The following PRCP variants were observed in gnomAD, a reference collection of about 807,000 sequenced individuals.
PRCP encodes lysosomal Pro-X carboxypeptidase.
PRCP carries 46 observed loss-of-function variants against 54.2 expected under a neutral mutation model. That is an observed-to-expected ratio of 0.85 (90% CI 0.67 to 1.09). PRCP has a LOEUF of 1.09. Among genes scored for constraint, PRCP ranks in the 50% least tolerant of loss-of-function variants. The pLI is 0.00. For synonymous variants in PRCP, 240 were observed against 212.2 expected, an observed-to-expected ratio of 1.13 and a Z score of -1.14; for missense variants, 613 against 596.8, an observed-to-expected ratio of 1.03 and a Z score of -0.28.
intron 8 of PRCP, chr11:82,835,819 T>C (rs1039279623): frequency 5.0e-5 from 25 of 502,680 alleles, no homozygotes; most frequent in African/African-American, 4.9e-4. Context: ...AAGAACCAGA[T>C]GAACCAGAGG....
chr11:82,884,825 GA>G, intron 1 of PRCP: 2 of 1,613,102 alleles, frequency 1.2e-6, no homozygotes, highest in Non-Finnish European at 1.7e-6. Context: ...ACACCTACCA[GA>G]GGAGTCTTGT....
At chr11:82,880,920 T>C (rs1039269253) in intron 1 of PRCP, among the ~76,000 whole-genome samples, 5 of 152,104 alleles carry the variant, frequency 3.3e-5, no homozygotes, top group African/African-American at 1.2e-4. Context: ...GCCAAGTGCC[T>C]GCTCCCACAA....
In PRCP at chr11:82,839,383, G is replaced by A. The variant is rs1229345118; in HGVS notation, c.964C>T (p.Leu322=). 6.2e-7 allele frequency: 1 copy of A among 1,613,610 alleles called. No individual in the cohort carries two copies. The highest frequency in any genetic ancestry group is 1.1e-5 in the South Asian group (1 of 91,022). ...YLKNPNVSDS[L]LLQNIFQALN... ...GCTTGGAAAATATTCTGCAGCAGCA[G>A]TGAATCAGATACATTGGGATTTTTC... is the stretch of plus-strand genomic sequence containing the variant. The change falls in exon 7 of 9, where the codon CTG becomes TTG. Residue 322 remains leucine (L), a synonymous_variant. Transcript: ENST00000313010.
chr11:82,854,045 A>G (rs1163512500), intron 2 of PRCP, among the ~76,000 whole-genome samples: 3 of 152,202 alleles, frequency 2.0e-5, no homozygotes, highest in Non-Finnish European at 4.4e-5. Context: ...CATAGCCAAC[A>G]TCGTACTGAA....
At chr11:82,854,569 G>T (rs1341797027) in intron 2 of PRCP, among the ~76,000 whole-genome samples, 1 of 151,934 alleles carries the variant, frequency 6.6e-6, no homozygotes, top group Non-Finnish European at 1.5e-5. Context: ...TGTTAAAATG[G>T]CCATACTCCC....
intron 6 of PRCP, among the ~76,000 whole-genome samples, chr11:82,841,055 T>TATATATATATATATATATATATATA (rs1555013578): frequency 1.3e-5 from 2 of 149,656 alleles, no homozygotes; most frequent in Non-Finnish European, 1.5e-5. Flanking sequence ...ATATATATAA[T>TATATATATATATATATATATATATA]AGACTAGTCC....
intron 1 of PRCP, among the ~76,000 whole-genome samples, chr11:82,870,675 A>T: frequency 6.6e-6 from 1 of 152,234 alleles, no homozygotes; most frequent in African/African-American, 2.4e-5. Context: ...CATGGAAGAA[A>T]AAACTGATGC....
At chr11:82,893,126 AAG>A (rs1860041695) in intron 1 of PRCP, among the ~76,000 whole-genome samples, 2 of 152,216 alleles carry the variant, frequency 1.3e-5, no homozygotes, top group South Asian at 4.1e-4. Context: ...GAAGTGACAT[AAG>A]TAATTTCCAT....
chr11:82,892,737 G>A (rs746567857), intron 1 of PRCP, among the ~76,000 whole-genome samples: 3 of 152,124 alleles, frequency 2.0e-5, no homozygotes, highest in South Asian at 2.1e-4. Flanking sequence ...TTAAAAATTC[G>A]CCTCACTTCA....
intron 6 of PRCP, among the ~76,000 whole-genome samples, chr11:82,842,429 G>C (rs574345576): frequency 1.3e-5 from 2 of 152,090 alleles, no homozygotes; most frequent in Non-Finnish European, 2.9e-5. Context: ...TGGAGTACTG[G>C]ATCCAGCTTT....
chr11:82,842,662 A>G (rs1306959171), intron 6 of PRCP, among the ~76,000 whole-genome samples: 1 of 152,204 alleles, frequency 6.6e-6, no homozygotes, highest in African/African-American at 2.4e-5. Flanking sequence ...AAAAGAGATC[A>G]ACATGTTTAA....
upstream of PRCP, chr11:82,900,515 C>T (rs1415879808): frequency 2.8e-6 from 4 of 1,412,032 alleles, no homozygotes; most frequent in African/African-American, 1.4e-5. Flanking sequence ...ACAGCTCCTC[C>T]CAGGGGAAAC....
intron 1 of PRCP, among the ~76,000 whole-genome samples, chr11:82,869,245 A>G (rs1489828127): frequency 6.6e-6 from 1 of 151,384 alleles, no homozygotes; most frequent in African/African-American, 2.4e-5. Flanking sequence ...AGTCCTAGCT[A>G]CTCAGGACGC....
chr11:82,841,069 CA>C (rs994286120), intron 6 of PRCP, among the ~76,000 whole-genome samples: 1 of 73,496 alleles, frequency 1.4e-5, no homozygotes, highest in African/African-American at 7.0e-5. Context: ...CTAGTCCTGA[CA>C]AAAAAAAGAC....
chr11:82,824,642 T>C lies in PRCP; in HGVS notation c.*264A>G, dbSNP rs533565919. On this transcript the variant is annotated 3_prime_UTR_variant, in exon 9 of 9. Coordinates refer to ENST00000313010, the MANE Select transcript of PRCP (RefSeq NM_005040.4). Reference sequence around the variant, plus strand: ...TCTTATGAAAAGCAACCAGGAACTCTACTCCAGTTATGAGGGCCACTGATG... The same window carrying C: ...TCTTATGAAAAGCAACCAGGAACTCCACTCCAGTTATGAGGGCCACTGATG... 55 of 443,010 alleles carry C rather than the reference T, an allele frequency of 1.2e-4. 1 individual carries two copies. In the South Asian group the frequency reaches 1.3e-3, roughly 10 times the overall value. 27.4% of individuals were successfully genotyped at this position (443,010 alleles called of 1,614,324 possible).
intron 1 of PRCP, among the ~76,000 whole-genome samples, chr11:82,862,915 A>C (rs1186842139): frequency 6.6e-6 from 1 of 152,206 alleles, no homozygotes; most frequent in Non-Finnish European, 1.5e-5. Flanking sequence ...GCAATCCCTG[A>C]ATTTAACTTA....
intron 1 of PRCP, among the ~76,000 whole-genome samples, chr11:82,862,608 T>C (rs1859233241): frequency 6.6e-6 from 1 of 152,192 alleles, no homozygotes; most frequent in African/African-American, 2.4e-5. Context: ...TTCCCATTCA[T>C]ACCACTGGTC....
At chr11:82,884,221 C>A (rs1859814741) in intron 1 of PRCP, among the ~76,000 whole-genome samples, 2 of 152,174 alleles carry the variant, frequency 1.3e-5, no homozygotes. Context: ...CACAATGATG[C>A]TGGCCAAACA....
chr11:82,841,925 C>G (rs1858681341), intron 6 of PRCP, among the ~76,000 whole-genome samples: 1 of 152,174 alleles, frequency 6.6e-6, no homozygotes, highest in South Asian at 2.1e-4. Flanking sequence ...TTTCCTGAAC[C>G]TGGACATAGA....
Sources: allele counts gnomAD v4.1 joint callset (sites outside exome capture counted in the v4.1 genomes callset), GRCh38; gene constraint gnomAD v4.1.1; transcripts MANE v1.5; gene names NCBI Gene and HGNC (gene_info 2026-07-23, HGNC 2026-07-21).